The following AGBL4 variants were observed in gnomAD, a reference collection of about 807,000 sequenced individuals.
The protein encoded by AGBL4 is AGBL carboxypeptidase 4, also known as cytosolic carboxypeptidase 6.
AGBL4 carries 58 observed loss-of-function variants against 66.4 expected under a neutral mutation model. The ratio of observed to expected loss-of-function variants is 0.87; its 90% CI spans 0.71 to 1.09. The LOEUF is 1.09. Ranked by LOEUF, AGBL4 falls within the 50% of genes least tolerant of loss-of-function variation. The pLI is 0.00. For synonymous variants in AGBL4, 234 were observed against 222.9 expected, an observed-to-expected ratio of 1.05 and a Z score of -0.44; for missense variants, 579 against 631.0, an observed-to-expected ratio of 0.92 and a Z score of 0.88.
chr1:48,818,704 T>C (rs945084503), intron 6 of AGBL4, among the ~76,000 whole-genome samples: 10 of 152,110 alleles, frequency 6.6e-5, no homozygotes, highest in African/African-American at 2.4e-4. Context: ...AATACTGTAA[T>C]ATTAAGAGAA....
rs185180465 is a variant in AGBL4, at chr1:49,487,800, G to C, written c.282+209513C>G. ...GTCTAGAAAAGTAACTGTTTCAGTG[G>C]CATCAGGCAGCTAGTAAACTGTACA... On this transcript the variant is annotated intron_variant, in intron 3 of 13. Transcript: ENST00000371839. Among the ~76,000 whole-genome samples, 54 of 151,928 alleles carry C rather than the reference G, an allele frequency of 3.6e-4. 1 individual carries two copies. Among genetic ancestry groups the C allele is most frequent in the African/African-American group, 1.3e-3 (53 of 41,484 alleles).
intron 6 of AGBL4, among the ~76,000 whole-genome samples, chr1:48,847,785 T>C (rs1570817741): frequency 6.6e-6 from 1 of 152,330 alleles, no homozygotes; most frequent in Non-Finnish European, 1.5e-5. Flanking sequence ...TCAATTGAAA[T>C]GAAATTAAAT....
intron 6 of AGBL4, among the ~76,000 whole-genome samples, chr1:48,843,519 G>A (rs949300025): frequency 1.8e-4 from 28 of 151,758 alleles, no homozygotes; most frequent in African/African-American, 5.3e-4. Context: ...TCATATTTTC[G>A]AATAGTTAAA....
At chr1:48,716,856 T>A (rs1647059523) in intron 6 of AGBL4, among the ~76,000 whole-genome samples, 1 of 152,160 alleles carries the variant, frequency 6.6e-6, no homozygotes, top group Non-Finnish European at 1.5e-5. Context: ...TTTGGAACTG[T>A]CCCTGCCTTC....
chr1:49,910,695 G>A lies in AGBL4; in HGVS notation c.35-59177C>T, dbSNP rs376914513. Among the ~76,000 whole-genome samples the A allele has an allele frequency of 2.3e-4, 35 of 152,034 alleles. No homozygotes were observed. In the East Asian group the frequency reaches 2.9e-3, roughly 13 times the overall value. ...AAAAAGAAAAAAGAAAGAAAACCGC[G>A]CCAGGCACGGTGGCTCACGCCTGTA... On this transcript the variant is annotated intron_variant, in intron 1 of 13. Coordinates refer to ENST00000371839, the MANE Select transcript of AGBL4 (RefSeq NM_032785.4).
chr1:49,539,418 A>G (rs890737819), intron 3 of AGBL4, among the ~76,000 whole-genome samples: 2 of 152,184 alleles, frequency 1.3e-5, no homozygotes, highest in Admixed American at 6.5e-5. Flanking sequence ...TTTTGTTTCC[A>G]GTAGTTCGGG....
chr1:49,956,695 T>TA (rs1656636767), intron 1 of AGBL4, among the ~76,000 whole-genome samples: 1 of 151,972 alleles, frequency 6.6e-6, no homozygotes, highest in Admixed American at 6.6e-5. Context: ...ATAACACCAA[T>TA]AGTCTTCAAA....
chr1:49,391,963 C>G (rs1414430523), intron 3 of AGBL4, among the ~76,000 whole-genome samples: 3 of 152,004 alleles, frequency 2.0e-5, no homozygotes, highest in African/African-American at 7.2e-5. Flanking sequence ...AGGAGTCATT[C>G]AGCATTTATT....
At chr1:49,738,062 G>A (rs1650050457) in intron 2 of AGBL4, among the ~76,000 whole-genome samples, 1 of 152,240 alleles carries the variant, frequency 6.6e-6, no homozygotes, top group Non-Finnish European at 1.5e-5. Context: ...AGTGTGTGCA[G>A]GACAGTGGGT....
chr1:48,759,754 C>T (rs947216412), intron 6 of AGBL4, among the ~76,000 whole-genome samples: 7 of 152,310 alleles, frequency 4.6e-5, no homozygotes, highest in Non-Finnish European at 1.0e-4. Flanking sequence ...TAAAATTCCT[C>T]CCCTAAAGGC....
chr1:49,728,106 C>T lies in AGBL4; in HGVS notation c.158-30669G>A, dbSNP rs573960838. Among the ~76,000 whole-genome samples, 3 of 152,206 alleles carry T rather than the reference C, an allele frequency of 2.0e-5. No individual in the cohort carries two copies. In the South Asian group the frequency reaches 6.2e-4, roughly 32 times the overall value. On this transcript the variant is annotated intron_variant, in intron 2 of 13. Transcript: ENST00000371839. ...AGTTGCACAAAATGTTCCTTTTCTT[C>T]CTATATATTAAAGTACTCCTGCCCT...
chr1:49,132,831 C>T (rs552709743), intron 4 of AGBL4, among the ~76,000 whole-genome samples: 69 of 152,236 alleles, frequency 4.5e-4, no homozygotes, highest in African/African-American at 1.6e-3. Flanking sequence ...GACAGTGTGG[C>T]AATTCCTCAA....
At chr1:49,272,914 T>C (rs1420267651) in intron 3 of AGBL4, among the ~76,000 whole-genome samples, 1 of 152,210 alleles carries the variant, frequency 6.6e-6, no homozygotes, top group African/African-American at 2.4e-5. Context: ...TAAAATAAAA[T>C]ACATCTTAAG....
chr1:49,058,685 G>A (rs1430372023), intron 4 of AGBL4, among the ~76,000 whole-genome samples: 1 of 152,224 alleles, frequency 6.6e-6, no homozygotes, highest in Non-Finnish European at 1.5e-5. Context: ...GAAGAAGACA[G>A]GAAAATGTGG....
rs1553194946 is a variant in AGBL4, at chr1:49,395,827, ATGTG to A, written c.283-149967_283-149964del. On this transcript the variant is annotated intron_variant, in intron 3 of 13. Coordinates refer to ENST00000371839, the MANE Select transcript of AGBL4 (RefSeq NM_032785.4). ...TATATATATGTATACATATATATAT[ATGTG>A]TATATATATATATATATACACACAT... 1.2e-4 allele frequency among the ~76,000 whole-genome samples: 11 copies of A among 92,094 alleles called. No individual in the cohort carries two copies. The Admixed American group carries it at 1.3e-3, about 11-fold the overall frequency. The allele number at this position is 92,094 out of a possible 152,430, so 60.4% of individuals were successfully genotyped here.
At chr1:49,208,617 C>T (rs952698570) in intron 4 of AGBL4, among the ~76,000 whole-genome samples, 1 of 152,046 alleles carries the variant, frequency 6.6e-6, no homozygotes, top group Non-Finnish European at 1.5e-5. Context: ...AGAGGGGATC[C>T]AAGAATTTAC....
intron 9 of AGBL4, chr1:48,634,249 A>G (rs1203565921): frequency 1.8e-5 from 6 of 330,462 alleles, no homozygotes; most frequent in Admixed American, 9.3e-5. Flanking sequence ...ATACACTCCA[A>G]TATATTTCCT....
intron 5 of AGBL4, among the ~76,000 whole-genome samples, chr1:48,929,815 T>G (rs925325554): frequency 1.3e-5 from 2 of 152,182 alleles, no homozygotes; most frequent in Admixed American, 6.5e-5. Context: ...ACTCATTTCT[T>G]TCTTTCTTTC....
At chr1:49,678,150 G>A (rs533894985) in intron 3 of AGBL4, among the ~76,000 whole-genome samples, 76 of 152,172 alleles carry the variant, frequency 5.0e-4, no homozygotes, top group South Asian at 1.7e-3. Context: ...TAGTTATAGA[G>A]CTATTCAAAT....
Sources: allele counts gnomAD v4.1 joint callset (sites outside exome capture counted in the v4.1 genomes callset), GRCh38; gene constraint gnomAD v4.1.1; transcripts MANE v1.5; gene names NCBI Gene and HGNC (gene_info 2026-07-23, HGNC 2026-07-21).